Variants in EWSR1 observed in about 807,000 individuals in gnomAD.
The protein encoded by EWSR1 is RNA-binding protein EWS.
Under a neutral mutation model 92.1 loss-of-function variants are expected in EWSR1, and 14 were observed. That is an observed-to-expected ratio of 0.15 (90% confidence interval 0.10 to 0.24). The LOEUF (loss-of-function observed/expected upper bound fraction) is 0.24. EWSR1 is among the 10% of genes least tolerant of loss of function. The pLI is 1.00. For synonymous variants in EWSR1, 303 were observed against 292.9 expected (o/e 1.03, Z -0.35); for missense variants, 637 against 870.9 (o/e 0.73, Z 3.38).
chr22:29,276,850 C>T (rs926550370), intron 4 of EWSR1: 4 of 230,782 alleles, frequency 1.7e-5, no homozygotes, highest in Non-Finnish European at 3.4e-5. Context: ...CGAGGTCTCA[C>T]TATATTGCCC....
At position 29,292,487 on chromosome 22, in the gene EWSR1, G is replaced by T; in HGVS notation, c.1046-1G>T. 6.2e-7 allele frequency: 1 copy of T among 1,603,500 alleles called. No individual in the cohort carries two copies. The highest frequency in any genetic ancestry group is 8.5e-7 in the Non-Finnish European group (1 of 1,171,162). On this transcript the variant is annotated splice_acceptor_variant, in intron 10 of 16. Coordinates refer to ENST00000397938, the MANE Select transcript of EWSR1 (RefSeq NM_005243.4). LOFTEE classifies it high-confidence loss of function. ...TTCTCCTGTCTTGTTGTCTCTGAAA[G>T]GCCCACCTGTAGATCCAGATGAAGA...
chr22:29,274,195 C>A, intron 4 of EWSR1: 1 of 1,544,532 alleles, frequency 6.5e-7, no homozygotes, highest in South Asian at 1.1e-5. Flanking sequence ...GCTTAAAAAT[C>A]AAACTGGTTT....
At chr22:29,274,297 C>T (rs1197854754) in intron 4 of EWSR1, 6 of 1,613,356 alleles carry the variant, frequency 3.7e-6, no homozygotes, top group Non-Finnish European at 5.1e-6. Context: ...GACTATCCTG[C>T]TCATTCTTGC....
chr22:29,268,603 G>A (rs1404477339), intron 1 of EWSR1, among the ~76,000 whole-genome samples: 1 of 152,130 alleles, frequency 6.6e-6, no homozygotes, highest in Non-Finnish European at 1.5e-5. Context: ...GCCCGCCTTG[G>A]CCTCCATTGT....
intron 12 of EWSR1, 114 bp downstream of exon 12, chr22:29,296,482 G>C (rs761066843): frequency 4.6e-6 from 6 of 1,313,304 alleles, no homozygotes; most frequent in Non-Finnish European, 6.3e-6. Context: ...GGGGGAGGTA[G>C]ATGGCCGGTC....
At chr22:29,273,315 C>T (rs940821526) in intron 3 of EWSR1, among the ~76,000 whole-genome samples, 3 of 152,218 alleles carry the variant, frequency 2.0e-5, no homozygotes, top group Non-Finnish European at 2.9e-5. Flanking sequence ...ATTGCTTTCT[C>T]TGTTCATTTG....
intron 11 of EWSR1, among the ~76,000 whole-genome samples, chr22:29,293,472 C>T (rs1364775981): frequency 6.6e-6 from 1 of 152,206 alleles, no homozygotes; most frequent in Non-Finnish European, 1.5e-5. Flanking sequence ...TTTACTAAAT[C>T]TATGAAGTAA....
At position 29,298,899 on chromosome 22, in the gene EWSR1, T is replaced by A. The variant is rs374370891; in HGVS notation, c.1580+4T>A. 1 of 1,536,896 alleles carries A rather than the reference T, an allele frequency of 6.5e-7. No individual in the cohort carries two copies. Among genetic ancestry groups the A allele is most frequent in the Non-Finnish European group, 8.7e-7 (1 of 1,148,414 alleles). ...GAGACTGGCAGTGTCCCAATCCGTA[T>A]GTACTTGTCTTGGCAAATTGATACC... is the stretch of plus-strand genomic sequence containing the variant. On this transcript the variant is annotated splice_donor_region_variant and intron_variant, in intron 14 of 16. Transcript: ENST00000397938.
chr22:29,287,641 A>G (rs1302563238), intron 7 of EWSR1, among the ~76,000 whole-genome samples: 4 of 152,084 alleles, frequency 2.6e-5, no homozygotes, highest in African/African-American at 9.7e-5. Context: ...CTTTTTTCCA[A>G]TTTGTTTTTA....
chr22:29,289,931 T>C (rs2060324515), intron 8 of EWSR1: 1 of 216,250 alleles, frequency 4.6e-6, no homozygotes, highest in Admixed American at 5.9e-5. Flanking sequence ...GAAAATACTC[T>C]ATTATAAAGG....
intron 1 of EWSR1, among the ~76,000 whole-genome samples, chr22:29,269,904 A>C (rs1287702759): frequency 1.3e-5 from 2 of 152,232 alleles, no homozygotes; most frequent in African/African-American, 4.8e-5. Flanking sequence ...AGTAACTACC[A>C]TGTGCTGTAC....
intron 12 of EWSR1, among the ~76,000 whole-genome samples, chr22:29,296,737 A>C (rs559174902): frequency 6.6e-6 from 1 of 152,294 alleles, no homozygotes; most frequent in Admixed American, 6.5e-5. Context: ...GACAAAACCA[A>C]CTTGAAAGCA....
intron 10 of EWSR1, 24 bp downstream of exon 10, chr22:29,292,193 T>G: frequency 1.2e-6 from 2 of 1,611,688 alleles, no homozygotes; most frequent in East Asian, 2.2e-5. Context: ...CTAGTTGTGC[T>G]TCATATCGTG....
At chr22:29,285,614 G>T (rs2059965888) in intron 6 of EWSR1, among the ~76,000 whole-genome samples, 1 of 151,260 alleles carries the variant, frequency 6.6e-6, no homozygotes, top group African/African-American at 2.5e-5. Context: ...AATCTTTGAG[G>T]GAAAACTACT....
chr22:29,268,318 CGAG>C lies in EWSR1; in HGVS notation c.-13_-11del. 1 of 1,613,668 alleles carries C rather than the reference CGAG, an allele frequency of 6.2e-7. No individual in the cohort carries two copies. Among genetic ancestry groups the C allele is most frequent in the Non-Finnish European group, 8.5e-7 (1 of 1,179,606 alleles). On this transcript the variant is annotated 5_prime_UTR_variant, in exon 1 of 17. Coordinates refer to ENST00000397938, the MANE Select transcript of EWSR1 (RefSeq NM_005243.4). ...GAGAGGGAGACGGACGTTGAGAGAA[CGAG>C]GAGGAAGGAGAGAAAATGGCGTCCA...
chr22:29,292,442 C>T (rs762139382), intron 10 of EWSR1, 46 bp from the exon 11 acceptor site: 4 of 1,308,114 alleles, frequency 3.1e-6, no homozygotes. Flanking sequence ...TAAGAAACCC[C>T]TATAGATACA....
intron 4 of EWSR1, chr22:29,275,578 C>G (rs1429830660): frequency 4.4e-6 from 1 of 227,740 alleles, no homozygotes; most frequent in Non-Finnish European, 8.7e-6. Context: ...GCCTGATGAG[C>G]AAACTGTGTG....
chr22:29,290,252 C>T (rs541133128), intron 8 of EWSR1: 2 of 594,042 alleles, frequency 3.4e-6, no homozygotes, highest in Non-Finnish European at 5.8e-6. Context: ...TCGTTGCCCC[C>T]CTTTTTATTG....
chr22:29,273,112 AC>A (rs2058815456), intron 3 of EWSR1, among the ~76,000 whole-genome samples: 1 of 152,260 alleles, frequency 6.6e-6, no homozygotes, highest in African/African-American at 2.4e-5. Flanking sequence ...ATCTGAAAGA[AC>A]AACTCTTCCT....
Sources: allele counts gnomAD v4.1 joint callset (sites outside exome capture counted in the v4.1 genomes callset), GRCh38; gene constraint gnomAD v4.1.1; transcripts MANE v1.5; gene names NCBI Gene and HGNC (gene_info 2026-07-23, HGNC 2026-07-21).